Variants in ATF7IP observed in about 807,000 individuals in gnomAD.
ATF7IP encodes the protein activating transcription factor 7-interacting protein 1.
In ATF7IP, 23 loss-of-function variants were observed where a neutral mutation model predicts 106.4. The ratio of observed to expected loss-of-function variants is 0.22; its 90% CI spans 0.16 to 0.31. ATF7IP has a LOEUF of 0.31. ATF7IP is among the 10% of genes least tolerant of loss of function. The probability of loss-of-function intolerance (pLI) is 1.00; values close to 1 mark genes in which losing one functional copy is unlikely to be tolerated. For synonymous variants in ATF7IP, 542 were observed against 539.0 expected (o/e 1.01, Z -0.08); for missense variants, 1,334 against 1,524.3 (o/e 0.88, Z 2.08).
intron 13 of ATF7IP, among the ~76,000 whole-genome samples, chr12:14,491,181 G>A (rs1944808526): frequency 6.6e-6 from 1 of 152,184 alleles, no homozygotes; most frequent in Non-Finnish European, 1.5e-5. Context: ...ACCTGCTGCA[G>A]AGCCTTCTCC....
chr12:14,459,970 C>A (rs1348839177), intron 8 of ATF7IP, among the ~76,000 whole-genome samples: 1 of 152,060 alleles, frequency 6.6e-6, no homozygotes, highest in Admixed American at 6.5e-5. Context: ...AGTTCCTCTC[C>A]CAAGGAATTC....
intron 1 of ATF7IP, among the ~76,000 whole-genome samples, chr12:14,423,361 A>T (rs549100729): frequency 6.6e-6 from 1 of 152,096 alleles, no homozygotes; most frequent in East Asian, 1.9e-4. Context: ...ATGATTTGCA[A>T]ATATTTTCTC....
chr12:14,471,227 A>G (rs756233153), intron 10 of ATF7IP, among the ~76,000 whole-genome samples: 1 of 152,220 alleles, frequency 6.6e-6, no homozygotes, highest in Non-Finnish European at 1.5e-5. Context: ...TGAATGTACC[A>G]TTACACTTGA....
intron 6 of ATF7IP, among the ~76,000 whole-genome samples, chr12:14,453,114 T>A (rs1372019508): frequency 6.6e-6 from 1 of 152,206 alleles, no homozygotes; most frequent in Non-Finnish European, 1.5e-5. Context: ...ATGAGTTGCT[T>A]TTCTCTTACT....
chr12:14,495,771 A>G (rs1944992415), intron 13 of ATF7IP, among the ~76,000 whole-genome samples: 1 of 152,124 alleles, frequency 6.6e-6, no homozygotes, highest in Non-Finnish European at 1.5e-5. Context: ...AGAGATTTTT[A>G]TGAAGATACT....
At chr12:14,471,574 G>A (rs573123671) in intron 10 of ATF7IP, among the ~76,000 whole-genome samples, 40 of 152,058 alleles carry the variant, frequency 2.6e-4, no homozygotes, top group Middle Eastern at 6.8e-3. Context: ...GTTTAATTGA[G>A]TCACAGTTCC....
Position 14,365,838 on chromosome 12 carries a change from A to G in ATF7IP, c.-8+11A>G, listed in dbSNP as rs953531113. On this transcript the variant is annotated intron_variant, in intron 1 of 14. Coordinates refer to ENST00000261168, the MANE Select transcript of ATF7IP (RefSeq NM_018179.5). ...CTTCCGCCCCAAAAGGTATATGTGA[A>G]TCCCAGGGGCTGTTAAAACCACATT... The G allele has an allele frequency of 6.5e-6, 1 of 153,098 alleles. No homozygotes were observed. The highest frequency in any genetic ancestry group is 6.5e-5 in the Admixed American group (1 of 15,282). The allele number at this position is 153,098 out of a possible 1,614,324, so 9.5% of individuals were successfully genotyped here. A position where few individuals can be genotyped will look rare whatever the true frequency, so the allele number is the denominator to read the frequency against.
At chr12:14,383,999 T>C (rs1003490171) in intron 1 of ATF7IP, among the ~76,000 whole-genome samples, 4 of 152,188 alleles carry the variant, frequency 2.6e-5, no homozygotes, top group African/African-American at 9.7e-5. Context: ...TTTTGCCTCA[T>C]GGAAAATACA....
intron 9 of ATF7IP, among the ~76,000 whole-genome samples, chr12:14,465,667 C>G (rs907953420): frequency 6.6e-6 from 1 of 151,954 alleles, no homozygotes; most frequent in Non-Finnish European, 1.5e-5. Flanking sequence ...TGAATATTAA[C>G]CCAACTTGAT....
chr12:14,489,141 A>C (rs1458931378), intron 13 of ATF7IP, among the ~76,000 whole-genome samples: 1 of 152,184 alleles, frequency 6.6e-6, no homozygotes, highest in Non-Finnish European at 1.5e-5. Flanking sequence ...AGTGCTGCCT[A>C]GATTGGGCTG....
intron 2 of ATF7IP, among the ~76,000 whole-genome samples, chr12:14,432,135 T>C (rs888752827): frequency 1.3e-5 from 2 of 152,150 alleles, no homozygotes; most frequent in African/African-American, 4.8e-5. Flanking sequence ...AGGCAAACCA[T>C]AGCAGGCCAG....
chr12:14,373,482 T>C (rs914849814), intron 1 of ATF7IP, among the ~76,000 whole-genome samples: 1 of 152,206 alleles, frequency 6.6e-6, no homozygotes, highest in African/African-American at 2.4e-5. Flanking sequence ...GAGCATGATA[T>C]GGAAGTGGCA....
chr12:14,428,155 G>C (rs1189886737), intron 2 of ATF7IP, among the ~76,000 whole-genome samples: 1 of 152,060 alleles, frequency 6.6e-6, no homozygotes, highest in Non-Finnish European at 1.5e-5. Context: ...AAAAAAGTCT[G>C]TATAAGAAAG....
intron 1 of ATF7IP, among the ~76,000 whole-genome samples, chr12:14,381,824 T>G (rs1376771061): frequency 1.3e-5 from 2 of 151,832 alleles, no homozygotes; most frequent in Admixed American, 1.3e-4. Context: ...TTTCAAATAG[T>G]ATAATATATA....
chr12:14,498,533 GAAAT>G lies in ATF7IP; in HGVS notation c.*468_*471del, dbSNP rs141728087. On this transcript the variant is annotated 3_prime_UTR_variant, in exon 15 of 15. Transcript: ENST00000261168. ...AAACAGAATCAAAACAAAACCCAAA[GAAAT>G]AAATAAAAAACAAAATGGCTAAATA... 0.4 allele frequency: 61,536 copies of G among 153,294 alleles called. 13,042 individuals carry two copies. Among genetic ancestry groups the G allele is most frequent in the East Asian group, 0.59 (3,022 of 5,146 alleles). 9.5% of individuals were successfully genotyped at this position (153,294 alleles called of 1,614,324 possible).
At chr12:14,436,358 C>G in intron 4 of ATF7IP, 107 bp downstream of exon 4, 1 of 1,177,208 alleles carries the variant, frequency 8.5e-7, no homozygotes, top group Non-Finnish European at 1.2e-6. Flanking sequence ...TGTGGTTTAT[C>G]ATAGAAAGAA....
chr12:14,407,752 CT>C (rs144918791), intron 1 of ATF7IP, among the ~76,000 whole-genome samples: 3,175 of 152,068 alleles, frequency 0.021, 101 homozygotes, highest in African/African-American at 0.071. Flanking sequence ...ATTTGTTTTT[CT>C]AACTGATAGA....
chr12:14,422,657 G>A (rs976668532), intron 1 of ATF7IP, among the ~76,000 whole-genome samples: 39 of 152,228 alleles, frequency 2.6e-4, no homozygotes, highest in Admixed American at 2.5e-3. Flanking sequence ...TTCAGTATGT[G>A]GCCTTTTGTG....
At chr12:14,486,943 G>A (rs1944640579) in intron 13 of ATF7IP, among the ~76,000 whole-genome samples, 3 of 152,106 alleles carry the variant, frequency 2.0e-5, no homozygotes, top group African/African-American at 7.2e-5. Flanking sequence ...TATATCTTCT[G>A]GACCCTCCCA....
Sources: allele counts gnomAD v4.1 joint callset (sites outside exome capture counted in the v4.1 genomes callset), GRCh38; gene constraint gnomAD v4.1.1; transcripts MANE v1.5; gene names NCBI Gene and HGNC (gene_info 2026-07-23, HGNC 2026-07-21).